Variants in EHD4 observed in about 807,000 individuals in gnomAD.
EHD4 encodes the protein EH domain-containing protein 4.
EHD4 carries 37 observed loss-of-function variants against 51.0 expected under a neutral mutation model. The ratio of observed to expected loss-of-function variants is 0.73; its 90% CI spans 0.56 to 0.95. The LOEUF is 0.95. EHD4 is among the 40% of genes least tolerant of loss of function. The pLI is 0.00. For missense variants in EHD4, 632 were observed against 733.1 expected (o/e 0.86, Z 1.59); for synonymous variants, 297 against 317.3 (o/e 0.94, Z 0.68).
chr15:41,900,734 T>G lies in EHD4; in HGVS notation c.1537A>C (p.Ile513Leu). Reference protein sequence around the residue: ...EFALAKHLIKIKLDGYELPSS... With the variant: ...EFALAKHLIKLKLDGYELPSS... ...GGCAGCTCGTAGCCGTCGAGCTTGA[T>G]CTTGATGAGGTGCTTGGCCAGCGCG... The change falls in exon 6 of 6, where the codon ATC (isoleucine) becomes CTC (leucine). Residue 513 changes from isoleucine (I) to leucine (L), a missense_variant. Physicochemically the swap from Ile to Leu is conservative, Grantham distance 5. Coordinates refer to ENST00000220325, the MANE Select transcript of EHD4 (RefSeq NM_139265.4). The surrounding 1 kb of genome is among the most constrained non-coding windows in gnomAD (Gnocchi z 4.8). 6.2e-7 allele frequency: 1 copy of G among 1,613,034 alleles called. No homozygotes were observed. The highest frequency in any genetic ancestry group is 8.5e-7 in the Non-Finnish European group (1 of 1,179,982).
chr15:41,951,675 G>A (rs1371959114), intron 2 of EHD4, among the ~76,000 whole-genome samples: 2 of 152,210 alleles, frequency 1.3e-5, no homozygotes, highest in Non-Finnish European at 2.9e-5. Context: ...CCCCAGGGAA[G>A]CCTTCCACAG....
intron 1 of EHD4, among the ~76,000 whole-genome samples, chr15:41,960,346 A>G (rs1371988158): frequency 6.6e-6 from 1 of 152,224 alleles, no homozygotes; most frequent in African/African-American, 2.4e-5. Context: ...ATGTATTTCC[A>G]TCCCATCATT....
chr15:41,952,882 TG>T (rs1346749054), intron 2 of EHD4, among the ~76,000 whole-genome samples: 1 of 150,032 alleles, frequency 6.7e-6, no homozygotes, highest in East Asian at 2.0e-4. Flanking sequence ...CCCAGCTACT[TG>T]GGAGGCTGAG....
At position 41,953,870 on chromosome 15, in the gene EHD4, C is replaced by T. The variant is rs371099600; in HGVS notation, c.307G>A (p.Val103Met). Reference protein sequence around the residue: ...PEPTTDSFIAVMYGETEGSTP... With the variant: ...PEPTTDSFIAMMYGETEGSTP... ...CTGCCCTCAGTCTCTCCATACATCA[C>T]GGCGATGAAGGAGTCTGTGGTGGGC... The change falls in exon 2 of 6, where the codon GTG becomes ATG. Residue 103 changes from valine (V) to methionine (M), a missense_variant. Val to Met is a conservative substitution (Grantham distance 21). Transcript: ENST00000220325. 1.1e-5 allele frequency: 17 copies of T among 1,613,882 alleles called. No individual in the cohort carries two copies. The highest frequency in any genetic ancestry group is 2.7e-5 in the African/African-American group (2 of 74,882).
chr15:41,902,013 C>T (rs1026780410), intron 5 of EHD4, among the ~76,000 whole-genome samples: 17 of 152,278 alleles, frequency 1.1e-4, no homozygotes, highest in African/African-American at 3.1e-4. Flanking sequence ...AGGGAATAAA[C>T]GTAGCTGGTA....
At chr15:41,910,584 T>A (rs1458465126) in intron 4 of EHD4, among the ~76,000 whole-genome samples, 1 of 151,216 alleles carries the variant, frequency 6.6e-6, no homozygotes, top group African/African-American at 2.5e-5. Flanking sequence ...ATATATATAT[T>A]TTTGAGATGG....
chr15:41,909,801 G>C lies in EHD4; in HGVS notation c.987C>G (p.Asn329Lys). Reference sequence around the variant, plus strand: ...GCCTGCTGATAAGCTCTCTCTTCTTGTTTTCCTTTCCAAATACACTTGGCA... The same window carrying C: ...GCCTGCTGATAAGCTCTCTCTTCTTCTTTTCCTTTCCAAATACACTTGGCA... ...KEMPSVFGKE[N>K]KKRELISRLP... The change falls in exon 5 of 6, where the codon AAC becomes AAG. Residue 329 changes from asparagine to lysine, a missense_variant. Transcript: ENST00000220325. 6.2e-7 allele frequency: 1 copy of C among 1,614,180 alleles called. No individual in the cohort carries two copies. Among genetic ancestry groups the C allele is most frequent in the Non-Finnish European group, 8.5e-7 (1 of 1,180,038 alleles).
At chr15:41,930,362 T>C (rs2140993645) in intron 3 of EHD4, among the ~76,000 whole-genome samples, 1 of 152,306 alleles carries the variant, frequency 6.6e-6, no homozygotes, top group African/African-American at 2.4e-5. Context: ...GTGGCAAACA[T>C]TACTTGCACT....
intron 3 of EHD4, among the ~76,000 whole-genome samples, chr15:41,937,447 C>T (rs971280729): frequency 4.6e-5 from 7 of 152,218 alleles, no homozygotes; most frequent in African/African-American, 1.4e-4. Context: ...TGGCCTACAG[C>T]GCCCTGCCTT....
At chr15:41,945,447 C>T (rs992313051) in intron 2 of EHD4, among the ~76,000 whole-genome samples, 4 of 152,172 alleles carry the variant, frequency 2.6e-5, no homozygotes, top group African/African-American at 7.2e-5. Context: ...ACATGGCATA[C>T]AAGCGGGCAA....
At chr15:41,910,054 G>A (rs1180826234) in intron 4 of EHD4, among the ~76,000 whole-genome samples, 191 bp from the exon 5 acceptor site, 1 of 152,186 alleles carries the variant, frequency 6.6e-6, no homozygotes, top group Non-Finnish European at 1.5e-5. Flanking sequence ...GGCCAGACTT[G>A]GGGAAATTCT....
intron 3 of EHD4, among the ~76,000 whole-genome samples, chr15:41,939,052 G>A (rs1468036070): frequency 6.6e-6 from 1 of 152,134 alleles, no homozygotes; most frequent in African/African-American, 2.4e-5. Context: ...CTATGCGTGT[G>A]GATAAAGGTG....
At chr15:41,916,869 A>G (rs961420013) in intron 4 of EHD4, among the ~76,000 whole-genome samples, 1 of 151,572 alleles carries the variant, frequency 6.6e-6, no homozygotes, top group East Asian at 1.9e-4. Flanking sequence ...CTTAGGAAGA[A>G]AAAAACCACA....
intron 5 of EHD4, among the ~76,000 whole-genome samples, chr15:41,904,220 G>A (rs1418176193): frequency 2.0e-5 from 3 of 152,228 alleles, no homozygotes; most frequent in Non-Finnish European, 4.4e-5. Context: ...CAGCCTGCAG[G>A]GGCCGTGGAT....
rs375007214 is a variant in EHD4, at chr15:41,949,692, A to T, written c.413+4072T>A. ...CAGAGGCAATGAGGAAGTACATGAGATTAAGAATTTCTTCTGTGGAAGATA... is the reference window on the plus strand; with the variant it reads ...CAGAGGCAATGAGGAAGTACATGAGTTTAAGAATTTCTTCTGTGGAAGATA... On this transcript the variant is annotated intron_variant, in intron 2 of 5. Coordinates refer to ENST00000220325, the MANE Select transcript of EHD4 (RefSeq NM_139265.4). Among the ~76,000 whole-genome samples the T allele has an allele frequency of 7.6e-4, 116 of 152,314 alleles. 1 individual carries two copies. In the South Asian group the frequency reaches 0.023, roughly 31 times the overall value.
intron 1 of EHD4, among the ~76,000 whole-genome samples, chr15:41,967,688 C>A (rs550458494): frequency 1.1e-4 from 16 of 152,272 alleles, no homozygotes; most frequent in African/African-American, 2.9e-4. Flanking sequence ...GCCTTCACTT[C>A]CCTTTTCCTT....
chr15:41,900,431 AC>A lies in EHD4; in HGVS notation c.*213del, dbSNP rs924168006. 2.2e-4 allele frequency: 127 copies of A among 587,110 alleles called. 6 individuals carry two copies. Among genetic ancestry groups the A allele is most frequent in the African/African-American group, 1.9e-4 (10 of 52,970 alleles). The allele number at this position is 587,110 out of a possible 1,614,324, so 36.4% of individuals were successfully genotyped here. On this transcript the variant is annotated 3_prime_UTR_variant, in exon 6 of 6. Coordinates refer to ENST00000220325, the MANE Select transcript of EHD4 (RefSeq NM_139265.4). This position sits in a 1 kb window ranked among gnomAD's most constrained non-coding sequence, Gnocchi z 4.8. ...TCTCAACCCTTCAATCTCCTAATCC[AC>A]CCCCCTACCCCCAATATTTTCATAG... is the stretch of plus-strand genomic sequence containing the variant.
intron 3 of EHD4, among the ~76,000 whole-genome samples, chr15:41,937,217 C>T (rs138816686): frequency 2.0e-5 from 3 of 152,350 alleles, no homozygotes; most frequent in African/African-American, 4.8e-5. Flanking sequence ...CTGCCACATG[C>T]GCCCACCTGC....
chr15:41,907,824 CTGTGTGTGTGTGTG>C (rs10522331), intron 5 of EHD4, among the ~76,000 whole-genome samples: 47 of 132,122 alleles, frequency 3.6e-4, no homozygotes, highest in East Asian at 2.3e-3. Flanking sequence ...CGCCCAGGCT[CTGTGTGTGTGTGTG>C]TGTGTGTGTG....
Sources: gnomAD v4.1 joint callset for allele counts (sites outside exome capture counted in the v4.1 genomes callset) on GRCh38, gnomAD v4.1.1 for gene constraint, Gnocchi (gnomAD v3.1) non-coding constraint, MANE v1.5 for transcripts, NCBI Gene and HGNC (gene_info 2026-07-23, HGNC 2026-07-21) for gene names.